Variants in SPHKAP observed in about 807,000 individuals in gnomAD.
SPHKAP encodes the protein SPHK1 interactor, AKAP domain containing, also known as A-kinase anchor protein SPHKAP.
SPHKAP carries 67 observed loss-of-function variants against 137.5 expected under a neutral mutation model. The ratio of observed to expected loss-of-function variants is 0.49; its 90% confidence interval spans 0.40 to 0.60. SPHKAP has a LOEUF of 0.60. Among genes scored for constraint, SPHKAP ranks in the 20% least tolerant of loss-of-function variants. The probability of loss-of-function intolerance (pLI) is 0.00; values close to 1 mark genes in which losing one functional copy is unlikely to be tolerated. For synonymous variants in SPHKAP, 813 were observed against 785.3 expected (o/e 1.04, Z -0.59); for missense variants, 2,097 against 2,069.3 (o/e 1.01, Z -0.26).
intron 7 of SPHKAP, among the ~76,000 whole-genome samples, chr2:228,013,719 AATT>A (rs555911939): frequency 6.6e-6 from 1 of 152,336 alleles, no homozygotes; most frequent in South Asian, 2.1e-4. Context: ...CTTATAAGAT[AATT>A]ATTATTCCTA....
At chr2:228,038,952 T>C (rs1269665129) in intron 3 of SPHKAP, among the ~76,000 whole-genome samples, 1 of 152,226 alleles carries the variant, frequency 6.6e-6, no homozygotes, top group Non-Finnish European at 1.5e-5. Flanking sequence ...AACCAGCTAT[T>C]GGCTACCATT....
At chr2:228,108,779 G>A in intron 3 of SPHKAP, 53 bp downstream of exon 3, 1 of 1,311,838 alleles carries the variant, frequency 7.6e-7, no homozygotes, top group Non-Finnish European at 1.1e-6. Flanking sequence ...ATGGGTACAT[G>A]TGCCCGCTTC....
chr2:228,003,056 T>G (rs1693972036), intron 7 of SPHKAP, among the ~76,000 whole-genome samples: 1 of 152,192 alleles, frequency 6.6e-6, no homozygotes, highest in African/African-American at 2.4e-5. Context: ...TGCGGGCTCT[T>G]TTTTGGTTCC....
In SPHKAP at chr2:228,086,342, GCACAA is replaced by G. The variant is rs971966240; in HGVS notation, c.246+22485_246+22489del. Among the ~76,000 whole-genome samples the G allele has an allele frequency of 3.8e-4, 58 of 152,136 alleles. 1 individual carries two copies. The highest frequency in any genetic ancestry group is 2.5e-3 in the South Asian group (12 of 4,816). ...CTTTCCCCTGCCTCCCCTCTTCCCA[GCACAA>G]CTTGACAGAAGCTCCATTTGGGCAT... On this transcript the variant is annotated intron_variant, in intron 3 of 11. Coordinates refer to ENST00000392056, the MANE Select transcript of SPHKAP (RefSeq NM_001142644.2).
intron 1 of SPHKAP, among the ~76,000 whole-genome samples, chr2:228,157,628 T>C (rs372901816): frequency 2.0e-5 from 3 of 152,290 alleles, no homozygotes; most frequent in Admixed American, 6.5e-5. Flanking sequence ...TCTGAGTCTA[T>C]TTGTCTCATT....
At chr2:228,142,450 T>A (rs1249997358) in intron 1 of SPHKAP, among the ~76,000 whole-genome samples, 2 of 151,046 alleles carry the variant, frequency 1.3e-5, no homozygotes, top group Non-Finnish European at 2.9e-5. Flanking sequence ...CCAGCCTGGG[T>A]GACAGAGCGA....
chr2:228,023,215 A>C (rs1403068665), intron 5 of SPHKAP, among the ~76,000 whole-genome samples: 1 of 152,200 alleles, frequency 6.6e-6, no homozygotes, highest in East Asian at 1.9e-4. Flanking sequence ...ATCCTTCTCC[A>C]AGGGGTTTAG....
intron 3 of SPHKAP, among the ~76,000 whole-genome samples, chr2:228,066,957 G>A (rs1318658118): frequency 6.6e-6 from 1 of 152,098 alleles, no homozygotes; most frequent in African/African-American, 2.4e-5. Context: ...CTTTATTCAT[G>A]CATCCTGTTT....
At chr2:228,144,740 C>T (rs974167767) in intron 1 of SPHKAP, among the ~76,000 whole-genome samples, 12 of 152,094 alleles carry the variant, frequency 7.9e-5, no homozygotes, top group Non-Finnish European at 1.3e-4. Context: ...TTAAATAATG[C>T]TTTCCTTTGA....
intron 1 of SPHKAP, among the ~76,000 whole-genome samples, chr2:228,146,428 CTTTTA>C (rs1029838303): frequency 1.3e-5 from 2 of 151,974 alleles, no homozygotes; most frequent in Non-Finnish European, 2.9e-5. Flanking sequence ...TTTTTTTTAA[CTTTTA>C]TTTTAGGTTT....
At chr2:228,128,390 A>G (rs1699142519) in intron 2 of SPHKAP, among the ~76,000 whole-genome samples, 1 of 152,192 alleles carries the variant, frequency 6.6e-6, no homozygotes, top group South Asian at 2.1e-4. Context: ...GATTGCAGCA[A>G]TTCAGTCATT....
intron 3 of SPHKAP, among the ~76,000 whole-genome samples, chr2:228,051,173 T>C (rs1696243532): frequency 6.6e-6 from 1 of 152,156 alleles, no homozygotes; most frequent in Admixed American, 6.6e-5. Flanking sequence ...GAATATTTAG[T>C]GTTTGCCTTG....
intron 3 of SPHKAP, among the ~76,000 whole-genome samples, chr2:228,070,008 C>T (rs1286906695): frequency 6.6e-6 from 1 of 152,140 alleles, no homozygotes; most frequent in Non-Finnish European, 1.5e-5. Context: ...TATGCGCTAG[C>T]TGGAAAAGGG....
chr2:228,086,283 A>G (rs892144324), intron 3 of SPHKAP, among the ~76,000 whole-genome samples: 1 of 152,196 alleles, frequency 6.6e-6, no homozygotes, highest in Non-Finnish European at 1.5e-5. Flanking sequence ...TAGAAGAGAT[A>G]GTCTGTGAAA....
intron 1 of SPHKAP, among the ~76,000 whole-genome samples, chr2:228,165,823 C>G (rs1700406897): frequency 6.6e-6 from 1 of 152,130 alleles, no homozygotes; most frequent in Non-Finnish European, 1.5e-5. Context: ...AAGTTCTCAC[C>G]CCACCTACCT....
intron 3 of SPHKAP, among the ~76,000 whole-genome samples, chr2:228,067,900 AG>A (rs1212700049): frequency 6.6e-6 from 1 of 152,236 alleles, no homozygotes; most frequent in African/African-American, 2.4e-5. Context: ...GAAAAGAGAA[AG>A]AAATCAAGGG....
chr2:228,019,905 T>C lies in SPHKAP; in HGVS notation c.949A>G (p.Arg317Gly). ...QWKREAVGNG[R>G]QATHYYHSEA... ...GAATGATAATAATGTGTGGCTTGTC[T>C]CCCATTCCCCACAGCTTCTCTTTTC... Residue 317 changes from arginine to glycine, a missense_variant, in exon 7 of 12, where the codon AGA (arginine) becomes GGA (glycine). Coordinates refer to ENST00000392056, the MANE Select transcript of SPHKAP (RefSeq NM_001142644.2). 2 of 1,614,238 alleles carry C rather than the reference T, an allele frequency of 1.2e-6. No homozygotes were observed. Among genetic ancestry groups the C allele is most frequent in the East Asian group, 2.2e-5 (1 of 44,894 alleles).
chr2:228,044,885 T>C (rs1220058510), intron 3 of SPHKAP, among the ~76,000 whole-genome samples: 1 of 152,012 alleles, frequency 6.6e-6, no homozygotes, highest in Non-Finnish European at 1.5e-5. Context: ...TACAATGAAC[T>C]CAAACAAATT....
At chr2:228,067,981 A>G (rs1559156142) in intron 3 of SPHKAP, among the ~76,000 whole-genome samples, 1 of 152,176 alleles carries the variant, frequency 6.6e-6, no homozygotes, top group African/African-American at 2.4e-5. Flanking sequence ...ATTTATAAAA[A>G]CCTAAAGACT....
Sources: allele counts gnomAD v4.1 joint callset (sites outside exome capture counted in the v4.1 genomes callset), GRCh38; gene constraint gnomAD v4.1.1; transcripts MANE v1.5; gene names NCBI Gene and HGNC (gene_info 2026-07-23, HGNC 2026-07-21).